Variants in ARL4A observed in about 807,000 individuals in gnomAD.
ARL4A encodes ADP-ribosylation factor-like protein 4A.
ARL4A carries 5 observed loss-of-function variants against 13.9 expected under a neutral mutation model. The ratio of observed to expected loss-of-function variants is 0.36; its 90% CI spans 0.19 to 0.75. The LOEUF (loss-of-function observed/expected upper bound fraction) is 0.75. Among genes scored for constraint, ARL4A ranks in the 30% least tolerant of loss-of-function variants. The pLI, the probability that ARL4A is intolerant of heterozygous loss-of-function variation, is 0.53. For missense variants in ARL4A, 147 were observed against 225.8 expected, an observed-to-expected ratio of 0.65 and a Z score of 2.24; for synonymous variants, 77 against 84.4, an observed-to-expected ratio of 0.91 and a Z score of 0.48.
chr7:12,690,255 C>T lies in ARL4A; in HGVS notation c.*1398C>T, dbSNP rs1433445194. 1 of 166,430 alleles carries T rather than the reference C, an allele frequency of 6.0e-6. No homozygotes were observed. Among genetic ancestry groups the T allele is most frequent in the Non-Finnish European group, 1.5e-5 (1 of 67,998 alleles). The allele number at this position is 166,430 out of a possible 1,614,324, so 10.3% of individuals were successfully genotyped here. On this transcript the variant is annotated 3_prime_UTR_variant, in exon 2 of 2. Transcript: ENST00000651779. ...TTCTGAAAAATCACCAAAAGAAATGCACTTTGCTAGCAGGATTTGTTTTGG... is the reference window on the plus strand; with the variant it reads ...TTCTGAAAAATCACCAAAAGAAATGTACTTTGCTAGCAGGATTTGTTTTGG...
At chr7:12,687,596 GGAGTCT>G (rs1784545430), upstream of ARL4A, 1 of 152,862 alleles carries the variant, frequency 6.5e-6, no homozygotes, top group African/African-American at 2.4e-5. This position sits in a 1 kb window ranked among gnomAD's most constrained non-coding sequence, Gnocchi z 5.6. Flanking sequence ...GGGCGTGGTC[GGAGTCT>G]GAGTCCAAGG....
In ARL4A at chr7:12,688,119, A is replaced by T; in HGVS notation, c.-89-47A>T. On this transcript the variant is annotated intron_variant, in intron 1 of 1. Transcript: ENST00000651779. This position sits in a 1 kb window ranked among gnomAD's most constrained non-coding sequence, Gnocchi z 5.2. Reference sequence around the variant, plus strand: ...TAGCAAAGTAGAGCAAACCTGTTTTAATGTATTATTTCGGGAGAATAACTT... The same window carrying T: ...TAGCAAAGTAGAGCAAACCTGTTTTTATGTATTATTTCGGGAGAATAACTT... 1 of 1,311,316 alleles carries T rather than the reference A, an allele frequency of 7.6e-7. No individual in the cohort carries two copies. Among genetic ancestry groups the T allele is most frequent in the Non-Finnish European group, 1.0e-6 (1 of 958,998 alleles). 81.2% of individuals were successfully genotyped at this position (1,311,316 alleles called of 1,614,324 possible). A position where few individuals can be genotyped will look rare whatever the true frequency, so the allele number is the denominator to read the frequency against.
At position 12,688,994 on chromosome 7, in the gene ARL4A, T is replaced by A. The variant is rs547454941; in HGVS notation, c.*137T>A. The A allele has an allele frequency of 1.2e-6, 1 of 835,180 alleles. No individual in the cohort carries two copies. The highest frequency in any genetic ancestry group is 2.6e-5 in the East Asian group (1 of 38,120). 51.7% of individuals were successfully genotyped at this position (835,180 alleles called of 1,614,324 possible). A position where few individuals can be genotyped will look rare whatever the true frequency, so the allele number is the denominator to read the frequency against. ...AGCTTTGTTTTGTTGAACAATCAGA[T>A]GCCCAACTCTGTTGCCTTGTGGAAG... is the stretch of plus-strand genomic sequence containing the variant. On this transcript the variant is annotated 3_prime_UTR_variant, in exon 2 of 2. Transcript: ENST00000651779. The surrounding 1 kb of genome is among the most constrained non-coding windows in gnomAD (Gnocchi z 5.2).
In ARL4A at chr7:12,687,997, GT is replaced by G. The variant is rs551973652; in HGVS notation, c.-89-166del. Among the ~76,000 whole-genome samples the G allele has an allele frequency of 1.3e-5, 2 of 152,242 alleles. No homozygotes were observed. Among genetic ancestry groups the G allele is most frequent in the South Asian group, 4.2e-4 (2 of 4,818 alleles). On this transcript the variant is annotated intron_variant, in intron 1 of 1. Transcript: ENST00000651779. This position sits in a 1 kb window ranked among gnomAD's most constrained non-coding sequence, Gnocchi z 5.6. ...TAATTTCAATCACTGTTATTCCATC[GT>G]TTGTCTTGGACTGTGTGTGTTTTCA...
chr7:12,688,162 C>T lies in ARL4A; in HGVS notation c.-89-4C>T. The T allele has an allele frequency of 1.4e-6, 2 of 1,474,298 alleles. No homozygotes were observed. Among genetic ancestry groups the T allele is most frequent in the African/African-American group, 1.4e-5 (1 of 70,956 alleles). 91.3% of individuals were successfully genotyped at this position (1,474,298 alleles called of 1,614,324 possible). A position where few individuals can be genotyped will look rare whatever the true frequency, so the allele number is the denominator to read the frequency against. ...AATAACTTATTCCTTCTTCCGTCTC[C>T]CAGCAGTCTTATAGCTGGATCAGCT... On this transcript the variant is annotated splice_region_variant and splice_polypyrimidine_tract_variant and intron_variant, in intron 1 of 1. Coordinates refer to ENST00000651779, the MANE Select transcript of ARL4A (RefSeq NM_005738.5). The surrounding 1 kb of genome is among the most constrained non-coding windows in gnomAD (Gnocchi z 5.2).
In ARL4A at chr7:12,689,360, ATTTTC is replaced by A. The variant is rs2115332999; in HGVS notation, c.*508_*512del. 6.0e-6 allele frequency: 1 copy of A among 167,644 alleles called. No individual in the cohort carries two copies. The highest frequency in any genetic ancestry group is 1.9e-4 in the East Asian group (1 of 5,190). The allele number at this position is 167,644 out of a possible 1,614,324, so 10.4% of individuals were successfully genotyped here. A position where few individuals can be genotyped will look rare whatever the true frequency, so the allele number is the denominator to read the frequency against. On this transcript the variant is annotated 3_prime_UTR_variant, in exon 2 of 2. Coordinates refer to ENST00000651779, the MANE Select transcript of ARL4A (RefSeq NM_005738.5). ...TTGAAGTAAGGGACAAGGAGTAAGT[ATTTTC>A]TTTTTTAAGTTTCTGCCAAATGATT...
At position 12,689,125 on chromosome 7, in the gene ARL4A, C is replaced by T; in HGVS notation, c.*268C>T. ...AGCAAGGATAGTAAATTGACCAGAA[C>T]ACAGTTGTGGGAATTTGGTCTGAAG... On this transcript the variant is annotated 3_prime_UTR_variant, in exon 2 of 2. Coordinates refer to ENST00000651779, the MANE Select transcript of ARL4A (RefSeq NM_005738.5). The T allele has an allele frequency of 2.9e-6, 1 of 344,852 alleles. No homozygotes were observed. Among genetic ancestry groups the T allele is most frequent in the South Asian group, 4.7e-5 (1 of 21,228 alleles). The allele number at this position is 344,852 out of a possible 1,614,324, so 21.4% of individuals were successfully genotyped here. A position where few individuals can be genotyped will look rare whatever the true frequency, so the allele number is the denominator to read the frequency against.
chr7:12,689,140 T>G lies in ARL4A; in HGVS notation c.*283T>G, dbSNP rs1282815397. The G allele has an allele frequency of 9.9e-6, 3 of 303,412 alleles. No homozygotes were observed. Among genetic ancestry groups the G allele is most frequent in the Non-Finnish European group, 2.0e-5 (3 of 153,720 alleles). 18.8% of individuals were successfully genotyped at this position (303,412 alleles called of 1,614,324 possible). On this transcript the variant is annotated 3_prime_UTR_variant, in exon 2 of 2. Coordinates refer to ENST00000651779, the MANE Select transcript of ARL4A (RefSeq NM_005738.5). ...TTGACCAGAACACAGTTGTGGGAAT[T>G]TGGTCTGAAGTTAGTGAAATAAAAC...
chr7:12,686,999 C>T (rs1784529423), upstream of ARL4A: 1 of 152,112 alleles, frequency 6.6e-6, no homozygotes, highest in African/African-American at 2.4e-5. Flanking sequence ...TCCCCAGCGG[C>T]TGGGAGAGAC....
Position 12,688,738 on chromosome 7 carries a change from T to C in ARL4A, c.484T>C (p.Trp162Arg). ...GGGTGAACTGAGCTCATCAACTCCTTGGCATTTGCAGCCTACCTGTGCAAT... is the reference window on the plus strand; with the variant it reads ...GGGTGAACTGAGCTCATCAACTCCTCGGCATTTGCAGCCTACCTGTGCAAT... ...AMGELSSSTP[W>R]HLQPTCAIIG... Residue 162 changes from tryptophan to arginine, a missense_variant, in exon 2 of 2, where the codon TGG (tryptophan) becomes CGG (arginine). Trp to Arg is a moderately radical substitution (Grantham distance 101). Transcript: ENST00000651779. The surrounding 1 kb of genome is among the most constrained non-coding windows in gnomAD (Gnocchi z 5.2). 1 of 1,613,990 alleles carries C rather than the reference T, an allele frequency of 6.2e-7. No homozygotes were observed. The highest frequency in any genetic ancestry group is 8.5e-7 in the Non-Finnish European group (1 of 1,179,868).
rs138601015 is a variant in ARL4A at position 12,688,353 on chromosome 7, G to A, written c.99G>A (p.Lys33=). Residue 33 remains lysine, a synonymous_variant, in exon 2 of 2, where the codon AAG becomes AAA. Transcript: ENST00000651779. This position sits in a 1 kb window ranked among gnomAD's most constrained non-coding sequence, Gnocchi z 5.2. The part of the protein sequence containing the change: ...IVILGLDCAG[K]TTVLYRLQFN... The stretch of plus-strand genomic sequence containing the variant: ...TTCTGGGTTTGGACTGTGCTGGAAA[G>A]ACAACTGTCTTATACAGGCTGCAGT... The A allele has an allele frequency of 6.8e-6, 11 of 1,613,820 alleles. No homozygotes were observed. In the African/African-American group the frequency reaches 1.5e-4, roughly 22 times the overall value.
Position 12,688,660 on chromosome 7 carries a change from C to G in ARL4A, c.406C>G (p.Gln136Glu), listed in dbSNP as rs753387062. ...GVPVLIVANK[Q>E]DLRNSLSLSE... is the part of the protein sequence containing the mutation. ...CCCTGTACTTATAGTTGCTAACAAACAAGATTTGAGGAACTCATTGTCACT... is the reference window on the plus strand; with the variant it reads ...CCCTGTACTTATAGTTGCTAACAAAGAAGATTTGAGGAACTCATTGTCACT... Residue 136 changes from glutamine to glutamate, a missense_variant, in exon 2 of 2, where the codon CAA becomes GAA. Transcript: ENST00000651779. This position sits in a 1 kb window ranked among gnomAD's most constrained non-coding sequence, Gnocchi z 5.2. 1.2e-6 allele frequency: 2 copies of G among 1,613,930 alleles called. No individual in the cohort carries two copies. The highest frequency in any genetic ancestry group is 2.2e-5 in the South Asian group (2 of 91,068).
chr7:12,688,343 G>T lies in ARL4A; in HGVS notation c.89G>T (p.Cys30Phe), dbSNP rs767341871. The T allele has an allele frequency of 2.7e-5, 44 of 1,613,810 alleles. 2 individuals are homozygous for T. The South Asian group carries it at 4.7e-4, about 17-fold the overall frequency. Residue 30 changes from cysteine (C) to phenylalanine (F), a missense_variant, in exon 2 of 2, where the codon TGT becomes TTT. Physicochemically the swap from Cys to Phe is radical, Grantham distance 205. Coordinates refer to ENST00000651779, the MANE Select transcript of ARL4A (RefSeq NM_005738.5). The surrounding 1 kb of genome is among the most constrained non-coding windows in gnomAD (Gnocchi z 5.2). ...SFHIVILGLD[C>F]AGKTTVLYRL... ...CACATTGTTATTCTGGGTTTGGACT[G>T]TGCTGGAAAGACAACTGTCTTATAC...
rs1784549132 is a variant in ARL4A, at chr7:12,687,779, T to C, written c.-90+51T>C. 6.4e-6 allele frequency: 1 copy of C among 156,410 alleles called. No individual in the cohort carries two copies. The highest frequency in any genetic ancestry group is 1.4e-5 in the Non-Finnish European group (1 of 70,534). 9.7% of individuals were successfully genotyped at this position (156,410 alleles called of 1,614,324 possible). A position where few individuals can be genotyped will look rare whatever the true frequency, so the allele number is the denominator to read the frequency against. ...GGTAGGAGGTAATAGTGATCTTGGGTATGCTGTTAAGCATGTGGAATTAGA... is the reference window on the plus strand; with the variant it reads ...GGTAGGAGGTAATAGTGATCTTGGGCATGCTGTTAAGCATGTGGAATTAGA... On this transcript the variant is annotated intron_variant, in intron 1 of 1. Transcript: ENST00000651779. This position sits in a 1 kb window ranked among gnomAD's most constrained non-coding sequence, Gnocchi z 5.6.
Position 12,689,867 on chromosome 7 carries a change from TGAGAA to T in ARL4A, c.*1014_*1018del, listed in dbSNP as rs942180568. On this transcript the variant is annotated 3_prime_UTR_variant, in exon 2 of 2. Transcript: ENST00000651779. ...GTTTTTATATATTTTTGTAGTGTGT[TGAGAA>T]GAGCAAAAGCTTTATAAATATACCT... The T allele has an allele frequency of 3.0e-5, 5 of 166,916 alleles. No homozygotes were observed. Among genetic ancestry groups the T allele is most frequent in the African/African-American group, 1.2e-4 (5 of 41,452 alleles). 10.3% of individuals were successfully genotyped at this position (166,916 alleles called of 1,614,324 possible).
chr7:12,690,157 A>G lies in ARL4A; in HGVS notation c.*1300A>G, dbSNP rs896816802. The stretch of plus-strand genomic sequence containing the variant: ...GAGGAAAGGCCTTTATCTAATTCTT[A>G]TCTACAGACACTTACTTCCAGTGAC... On this transcript the variant is annotated 3_prime_UTR_variant, in exon 2 of 2. Coordinates refer to ENST00000651779, the MANE Select transcript of ARL4A (RefSeq NM_005738.5). 3 of 167,056 alleles carry G rather than the reference A, an allele frequency of 1.8e-5. No individual in the cohort carries two copies. The highest frequency in any genetic ancestry group is 1.3e-4 in the Admixed American group (2 of 15,290). 10.3% of individuals were successfully genotyped at this position (167,056 alleles called of 1,614,324 possible).
rs1302618912 is a variant in ARL4A, at chr7:12,687,841, CA to C, written c.-90+114del. On this transcript the variant is annotated intron_variant, in intron 1 of 1. Transcript: ENST00000651779. This position sits in a 1 kb window ranked among gnomAD's most constrained non-coding sequence, Gnocchi z 5.6. ...GGACTATCTGCTATGAGTTTTCTGC[CA>C]GATAGGCACTTTGTGGTTACGGCCA... The C allele has an allele frequency of 6.1e-6, 1 of 164,762 alleles. No individual in the cohort carries two copies. The highest frequency in any genetic ancestry group is 1.3e-5 in the Non-Finnish European group (1 of 75,892). 10.2% of individuals were successfully genotyped at this position (164,762 alleles called of 1,614,324 possible).
In ARL4A at chr7:12,688,440, C is replaced by A. The variant is rs969755512; in HGVS notation, c.186C>A (p.Thr62=). Residue 62 remains threonine, a synonymous_variant, in exon 2 of 2, where the codon ACC becomes ACA. Transcript: ENST00000651779. The surrounding 1 kb of genome is among the most constrained non-coding windows in gnomAD (Gnocchi z 5.2). ...TTAACACTGAGAAAATTAAGGTAAC[C>A]TTGGGAAATTCTAAAACAGTCACTT... is the stretch of plus-strand genomic sequence containing the variant. The part of the protein sequence containing the change: ...KGFNTEKIKV[T]LGNSKTVTFH... 5 of 1,613,152 alleles carry A rather than the reference C, an allele frequency of 3.1e-6. No homozygotes were observed. The highest frequency in any genetic ancestry group is 4.2e-6 in the Non-Finnish European group (5 of 1,179,856).
Position 12,689,223 on chromosome 7 carries a change from A to G in ARL4A, c.*366A>G, listed in dbSNP as rs1456569236. The G allele has an allele frequency of 4.7e-6, 1 of 210,740 alleles. No individual in the cohort carries two copies. Among genetic ancestry groups the G allele is most frequent in the African/African-American group, 2.4e-5 (1 of 42,340 alleles). 13.1% of individuals were successfully genotyped at this position (210,740 alleles called of 1,614,324 possible). ...ACATCTTTCGGGGGGAAGCCTTTGC[A>G]AGAAAATTGCATACAAGGCTTTGTA... On this transcript the variant is annotated 3_prime_UTR_variant, in exon 2 of 2. Coordinates refer to ENST00000651779, the MANE Select transcript of ARL4A (RefSeq NM_005738.5).
Sources: allele counts gnomAD v4.1 joint callset (sites outside exome capture counted in the v4.1 genomes callset), GRCh38; gene constraint gnomAD v4.1.1; non-coding constraint Gnocchi (gnomAD v3.1); transcripts MANE v1.5; gene names NCBI Gene and HGNC (gene_info 2026-07-23, HGNC 2026-07-21).